The following ZNF704 variants were observed in gnomAD, a reference collection of about 807,000 sequenced individuals.
ZNF704 encodes the protein glucocorticoid induced gene 1.
In ZNF704, 10 loss-of-function variants were observed where a neutral mutation model predicts 44.7. The ratio of observed to expected loss-of-function variants is 0.22; its 90% CI spans 0.14 to 0.38. The LOEUF (loss-of-function observed/expected upper bound fraction) is 0.38, where lower values mean the gene tolerates loss of function less well. Ranked by LOEUF, ZNF704 falls within the 10% of genes least tolerant of loss-of-function variation. The probability of loss-of-function intolerance (pLI) is 1.00; values close to 1 mark genes in which losing one functional copy is unlikely to be tolerated. For missense variants in ZNF704, 390 were observed against 545.5 expected, an observed-to-expected ratio of 0.71 and a Z score of 2.84; for synonymous variants, 211 against 207.6, an observed-to-expected ratio of 1.02 and a Z score of -0.14.
At chr8:80,801,346 A>G (rs1317867331) in intron 2 of ZNF704, among the ~76,000 whole-genome samples, 2 of 152,134 alleles carry the variant, frequency 1.3e-5, no homozygotes, top group Non-Finnish European at 2.9e-5. Flanking sequence ...ACTCTCCACT[A>G]CAAAACAACA....
chr8:80,753,820 G>T (rs2131708912), intron 2 of ZNF704, among the ~76,000 whole-genome samples: 1 of 152,304 alleles, frequency 6.6e-6, no homozygotes, highest in Non-Finnish European at 1.5e-5. Flanking sequence ...GTCAGCTACA[G>T]GGTTGATGGA....
At chr8:80,723,697 A>G (rs1415271651) in intron 2 of ZNF704, among the ~76,000 whole-genome samples, 1 of 152,214 alleles carries the variant, frequency 6.6e-6, no homozygotes, top group African/African-American at 2.4e-5. Context: ...AACTATTTAG[A>G]CCTAAAATGT....
intron 4 of ZNF704, among the ~76,000 whole-genome samples, chr8:80,675,099 A>C (rs1261188328): frequency 6.6e-6 from 1 of 152,252 alleles, no homozygotes; most frequent in Non-Finnish European, 1.5e-5. Context: ...CTAGTAGGGG[A>C]GAGACATAAA....
chr8:80,715,990 G>T (rs759894735), intron 2 of ZNF704, among the ~76,000 whole-genome samples: 3 of 151,608 alleles, frequency 2.0e-5, no homozygotes, highest in Non-Finnish European at 4.4e-5. Flanking sequence ...TGAGGCACAA[G>T]AATCACTTGA....
In ZNF704 at chr8:80,632,885, T is replaced by A. The variant is rs1265319981; in HGVS notation, c.*8481A>T. On this transcript the variant is annotated 3_prime_UTR_variant, in exon 9 of 9. Transcript: ENST00000327835. ...CCAACACTGTATTACTTTAGAAACA[T>A]AATAATAAATATTATTCATCAAAAA... 6.6e-6 allele frequency: 1 copy of A among 152,216 alleles called. No homozygotes were observed. Among genetic ancestry groups the A allele is most frequent in the African/African-American group, 2.4e-5 (1 of 41,458 alleles). The allele number at this position is 152,216 out of a possible 1,614,324, so 9.4% of individuals were successfully genotyped here. A position where few individuals can be genotyped will look rare whatever the true frequency, so the allele number is the denominator to read the frequency against.
At chr8:80,747,383 A>G (rs1294429042) in intron 2 of ZNF704, among the ~76,000 whole-genome samples, 2 of 152,160 alleles carry the variant, frequency 1.3e-5, no homozygotes, top group Non-Finnish European at 2.9e-5. Context: ...AGAACTACAA[A>G]GCAGTACAGG....
intron 1 of ZNF704, among the ~76,000 whole-genome samples, chr8:80,843,241 GT>G (rs1808711015): frequency 6.6e-6 from 1 of 152,184 alleles, no homozygotes; most frequent in South Asian, 2.1e-4. Flanking sequence ...TTTATATATA[GT>G]TTTACAGACT....
At position 80,669,167 on chromosome 8, in the gene ZNF704, T is replaced by C. The variant is rs73271038; in HGVS notation, c.659+1336A>G. ...TGGGACCGAATAGGACTCAATTTTCTGGGCAGACAGACTTTAAAACAAATA... is the reference window on the plus strand; with the variant it reads ...TGGGACCGAATAGGACTCAATTTTCCGGGCAGACAGACTTTAAAACAAATA... On this transcript the variant is annotated intron_variant, in intron 5 of 8. Transcript: ENST00000327835. 5.2e-3 allele frequency among the ~76,000 whole-genome samples: 789 copies of C among 152,312 alleles called. 7 individuals are homozygous for C. Among genetic ancestry groups the C allele is most frequent in the African/African-American group, 0.018 (745 of 41,564 alleles).
chr8:80,826,548 G>C (rs1307015916), intron 1 of ZNF704, among the ~76,000 whole-genome samples: 1 of 152,170 alleles, frequency 6.6e-6, no homozygotes, highest in Non-Finnish European at 1.5e-5. Flanking sequence ...AATAGAAAAA[G>C]AGGGAATCCT....
chr8:80,631,985 C>A lies in ZNF704; in HGVS notation c.*9381G>T, dbSNP rs967398845. ...GGCCTCTAGCTCAGGCAGATGAGGG[C>A]AAAGGGGAGGGTAATCTTTCAATGG... On this transcript the variant is annotated 3_prime_UTR_variant, in exon 9 of 9. Coordinates refer to ENST00000327835, the MANE Select transcript of ZNF704 (RefSeq NM_001033723.3). 1 of 152,110 alleles carries A rather than the reference C, an allele frequency of 6.6e-6. No homozygotes were observed. The highest frequency in any genetic ancestry group is 6.5e-5 in the Admixed American group (1 of 15,274). 9.4% of individuals were successfully genotyped at this position (152,110 alleles called of 1,614,324 possible). A position where few individuals can be genotyped will look rare whatever the true frequency, so the allele number is the denominator to read the frequency against.
At chr8:80,733,782 A>G (rs1381003351) in intron 2 of ZNF704, among the ~76,000 whole-genome samples, 2 of 152,140 alleles carry the variant, frequency 1.3e-5, no homozygotes, top group East Asian at 1.9e-4. Flanking sequence ...CTCATTTTCC[A>G]TATTTTCCCA....
intron 1 of ZNF704, among the ~76,000 whole-genome samples, chr8:80,837,165 T>C (rs1563571559): frequency 1.3e-5 from 2 of 152,132 alleles, no homozygotes; most frequent in Non-Finnish European, 2.9e-5. Flanking sequence ...TAAAAGCACT[T>C]TCCTAAGCTA....
chr8:80,881,286 A>T, the ZNF704 span, among the ~76,000 whole-genome samples: 3 of 152,252 alleles, frequency 2.0e-5, no homozygotes, highest in Admixed American at 1.3e-4. Flanking sequence ...AATGAGAATG[A>T]TTTAAAAAGA....
At chr8:80,692,380 A>G (rs995354234) in intron 3 of ZNF704, among the ~76,000 whole-genome samples, 1 of 152,234 alleles carries the variant, frequency 6.6e-6, no homozygotes, top group African/African-American at 2.4e-5. Flanking sequence ...TAAGGCAAGC[A>G]TAGTATTTGT....
chr8:80,863,974 C>T (rs941968941), intron 1 of ZNF704, among the ~76,000 whole-genome samples: 33 of 152,126 alleles, frequency 2.2e-4, no homozygotes, highest in African/African-American at 7.7e-4. Flanking sequence ...ACAACACTTC[C>T]CACACCCTCC....
intron 2 of ZNF704, among the ~76,000 whole-genome samples, chr8:80,726,602 G>T (rs1244735493): frequency 6.6e-6 from 1 of 152,024 alleles, no homozygotes; most frequent in Admixed American, 6.6e-5. Flanking sequence ...TTGAAAAAAA[G>T]GGTGGAGACA....
At chr8:80,718,339 G>A (rs1222504161) in intron 2 of ZNF704, among the ~76,000 whole-genome samples, 1 of 151,764 alleles carries the variant, frequency 6.6e-6, no homozygotes, top group Non-Finnish European at 1.5e-5. Flanking sequence ...ATCTTACTGT[G>A]GAAGGCTAAA....
At chr8:80,723,588 T>C (rs1270508639) in intron 2 of ZNF704, among the ~76,000 whole-genome samples, 1 of 152,244 alleles carries the variant, frequency 6.6e-6, no homozygotes, top group Non-Finnish European at 1.5e-5. Context: ...AAATGGATGA[T>C]GGTGAGAATC....
chr8:80,770,378 A>G (rs932559572), intron 2 of ZNF704, among the ~76,000 whole-genome samples: 2 of 152,112 alleles, frequency 1.3e-5, no homozygotes, highest in African/African-American at 2.4e-5. Context: ...CTCTATCTTG[A>G]TAGTTTTAAT....
Sources: gnomAD v4.1 joint callset for allele counts (sites outside exome capture counted in the v4.1 genomes callset) on GRCh38, gnomAD v4.1.1 for gene constraint, MANE v1.5 for transcripts, NCBI Gene and HGNC (gene_info 2026-07-23, HGNC 2026-07-21) for gene names.